SGSM1: variants seen among roughly 807,000 people sequenced by gnomAD.
SGSM1 encodes small G protein signaling modulator 1, also known as RUN and TBC1 domain containing 2.
A neutral mutation model predicts 133.8 loss-of-function variants in SGSM1; 73 were observed. The ratio of observed to expected loss-of-function variants is 0.55; its 90% CI spans 0.45 to 0.66. The LOEUF is 0.66. Among genes scored for constraint, SGSM1 ranks in the 30% least tolerant of loss-of-function variants. The pLI is 0.00. For synonymous variants in SGSM1, 563 were observed against 573.0 expected, an observed-to-expected ratio of 0.98 and a Z score of 0.25; for missense variants, 1,213 against 1,448.1, an observed-to-expected ratio of 0.84 and a Z score of 2.64.
chr22:24,813,582 G>C (rs1005234251), intron 2 of SGSM1: 14 of 152,238 alleles, frequency 9.2e-5, no homozygotes, highest in African/African-American at 3.4e-4. Flanking sequence ...ACTCAAATCA[G>C]CTTGCGTGTG....
intron 3 of SGSM1, among the ~76,000 whole-genome samples, chr22:24,847,131 G>A (rs1930194160): frequency 6.6e-6 from 1 of 152,100 alleles, no homozygotes; most frequent in South Asian, 2.1e-4. Context: ...CCAAAGTGCT[G>A]GGATTACAGA....
Position 24,870,526 on chromosome 22 carries a change from T to C in SGSM1, c.1291+1671T>C, listed in dbSNP as rs1931717684. ...TTAATTTATTTGGAGATTCTCTATG[T>C]CATCCTCCTGTGGCTTGATGAAGGC... On this transcript the variant is annotated intron_variant, in intron 12 of 24. Transcript: ENST00000400358. 2.0e-5 allele frequency among the ~76,000 whole-genome samples: 3 copies of C among 152,190 alleles called. No homozygotes were observed. In the South Asian group the frequency reaches 6.2e-4, roughly 31 times the overall value.
At chr22:24,906,308 A>G (rs978501177) in intron 21 of SGSM1, among the ~76,000 whole-genome samples, 2 of 152,330 alleles carry the variant, frequency 1.3e-5, no homozygotes, top group South Asian at 2.1e-4. Context: ...ATCATACTCA[A>G]TGGTGAAAAA....
chr22:24,835,310 G>A (rs1376748246), intron 2 of SGSM1, among the ~76,000 whole-genome samples: 1 of 152,026 alleles, frequency 6.6e-6, no homozygotes, highest in African/African-American at 2.4e-5. Flanking sequence ...CTTTACCTGC[G>A]TCGCCTCATC....
chr22:24,886,782 C>T (rs941768669), intron 16 of SGSM1, 54 bp downstream of exon 16: 2 of 1,534,124 alleles, frequency 1.3e-6, no homozygotes, highest in Admixed American at 4.0e-5. Flanking sequence ...GAGCCAGATA[C>T]TGTGGGGCTG....
Position 24,893,480 on chromosome 22 carries a change from T to A in SGSM1, c.1820T>A (p.Leu607Gln). The change falls in exon 17 of 25, where the codon CTG becomes CAG. Residue 607 changes from leucine (L) to glutamine (Q), a missense_variant. Leu to Gln is a moderately radical substitution (Grantham distance 113). Coordinates refer to ENST00000400358, the MANE Select transcript of SGSM1 (RefSeq NM_001098497.3). ...TATGCACAGACCATGGCTGAGTGGC[T>A]GGGCTGCGAGGCGATCGTGCGGCAG... ...ACYAQTMAEW[L>Q]GCEAIVRQRE... 1.2e-6 allele frequency: 2 copies of A among 1,613,890 alleles called. No individual in the cohort carries two copies. Among genetic ancestry groups the A allele is most frequent in the South Asian group, 2.2e-5 (2 of 91,080 alleles).
At chr22:24,850,986 A>G (rs1240049273) in intron 5 of SGSM1, among the ~76,000 whole-genome samples, 1 of 151,844 alleles carries the variant, frequency 6.6e-6, no homozygotes, top group African/African-American at 2.4e-5. Context: ...CTGTAGCTCC[A>G]GCTACTCAGG....
chr22:24,898,635 T>C (rs924483430), intron 19 of SGSM1, 76 bp downstream of exon 19: 4 of 1,408,548 alleles, frequency 2.8e-6, no homozygotes, highest in African/African-American at 1.4e-5. Context: ...AAGCCTGTTA[T>C]CCAGAATGAC....
At chr22:24,905,031 G>A in intron 20 of SGSM1, 74 bp from the exon 21 acceptor site, 3 of 1,260,892 alleles carry the variant, frequency 2.4e-6, no homozygotes, top group South Asian at 2.4e-5. Flanking sequence ...GACCGAAGCA[G>A]GAGGAACAGA....
chr22:24,902,080 C>A, intron 20 of SGSM1, 123 bp downstream of exon 20: 1 of 1,004,010 alleles, frequency 1.0e-6, no homozygotes, highest in Non-Finnish European at 1.5e-6. Context: ...CACCTGGAAT[C>A]TTACTTAGCC....
intron 8 of SGSM1, among the ~76,000 whole-genome samples, chr22:24,856,755 T>C (rs984049388): frequency 4.6e-5 from 7 of 151,650 alleles, no homozygotes; most frequent in African/African-American, 1.7e-4. Flanking sequence ...ATTTAAGATA[T>C]ACAGTTTCTT....
chr22:24,923,917 C>T (rs1295629808), intron 24 of SGSM1, among the ~76,000 whole-genome samples: 2 of 152,206 alleles, frequency 1.3e-5, no homozygotes, highest in Admixed American at 6.5e-5. Context: ...CCACCATGCC[C>T]GGCCGACCTC....
intron 21 of SGSM1, 118 bp downstream of exon 21, chr22:24,905,305 G>C (rs1281448352): frequency 3.1e-6 from 3 of 972,012 alleles, no homozygotes; most frequent in African/African-American, 1.6e-5. Context: ...TGCTCTGAAG[G>C]CCTGTCTGGT....
At chr22:24,899,384 T>A (rs931789137) in intron 19 of SGSM1, among the ~76,000 whole-genome samples, 1 of 152,152 alleles carries the variant, frequency 6.6e-6, no homozygotes, top group African/African-American at 2.4e-5. Context: ...GATGTGTCAT[T>A]ATCATTCACA....
intron 4 of SGSM1, among the ~76,000 whole-genome samples, 165 bp from the exon 5 acceptor site, chr22:24,850,115 A>G (rs1308674810): frequency 1.3e-5 from 2 of 151,878 alleles, no homozygotes; most frequent in East Asian, 3.9e-4. Flanking sequence ...GGGTATTACT[A>G]TTTTTTCAAC....
intron 5 of SGSM1, 62 bp from the exon 6 acceptor site, chr22:24,854,934 C>T (rs1209084930): frequency 2.9e-6 from 4 of 1,377,504 alleles, no homozygotes; most frequent in Non-Finnish European, 4.1e-6. Context: ...GAACTCTCAT[C>T]TGTGGATTGT....
Position 24,847,744 on chromosome 22 carries a change from G to A in SGSM1, c.250G>A (p.Ala84Thr). Residue 84 changes from alanine to threonine, a missense_variant, in exon 4 of 25, where the codon GCT becomes ACT. By Grantham distance (58) the Ala-to-Thr change is moderately conservative (BLOSUM62 0). Coordinates refer to ENST00000400358, the MANE Select transcript of SGSM1 (RefSeq NM_001098497.3). ...FMKVGKNFPP[A>T]EDLSRKVQDL... ...GAAAGTGGGCAAGAACTTCCCGCCGGCTGAGGATCTGAGCCGCAAGGTGCA... is the reference window on the plus strand; with the variant it reads ...GAAAGTGGGCAAGAACTTCCCGCCGACTGAGGATCTGAGCCGCAAGGTGCA... 1 of 1,613,916 alleles carries A rather than the reference G, an allele frequency of 6.2e-7. No homozygotes were observed. The highest frequency in any genetic ancestry group is 8.5e-7 in the Non-Finnish European group (1 of 1,179,860).
chr22:24,902,093 C>G (rs969577785), intron 20 of SGSM1, 136 bp downstream of exon 20: 5 of 927,238 alleles, frequency 5.4e-6, no homozygotes, highest in African/African-American at 5.0e-5. Context: ...ACTTAGCCCA[C>G]AGTGAAAATT....
At chr22:24,876,846 C>A in intron 13 of SGSM1, 131 bp downstream of exon 13, 2 of 1,213,968 alleles carry the variant, frequency 1.6e-6, no homozygotes, top group Non-Finnish European at 2.3e-6. Context: ...TAGGTTAAAT[C>A]CTGGCCATGA....
Sources: gnomAD v4.1 joint callset for allele counts (sites outside exome capture counted in the v4.1 genomes callset) on GRCh38, gnomAD v4.1.1 for gene constraint, MANE v1.5 for transcripts, NCBI Gene and HGNC (gene_info 2026-07-23, HGNC 2026-07-21) for gene names.